Variants in KIRREL3 observed in about 807,000 individuals in gnomAD.
The protein encoded by KIRREL3 is kin of IRRE-like protein 3.
In KIRREL3, 36 loss-of-function variants were observed where a neutral mutation model predicts 89.7. The observed-to-expected ratio is 0.40, with a 90% CI of 0.31 to 0.53. The LOEUF (loss-of-function observed/expected upper bound fraction) is 0.53. KIRREL3 is among the 20% of genes least tolerant of loss of function. KIRREL3 has a pLI of 0.49. For missense variants in KIRREL3, 864 were observed against 1,056.6 expected (o/e 0.82, Z 2.53); for synonymous variants, 445 against 441.4 (o/e 1.01, Z -0.10).
intron 2 of KIRREL3, among the ~76,000 whole-genome samples, chr11:126,538,268 G>A (rs1334868091): frequency 6.6e-6 from 1 of 152,234 alleles, no homozygotes; most frequent in Non-Finnish European, 1.5e-5. Flanking sequence ...TGACCAATTG[G>A]AGAAGGCTTA....
intron 1 of KIRREL3, among the ~76,000 whole-genome samples, chr11:126,759,778 T>C (rs1471388077): frequency 1.3e-5 from 2 of 152,248 alleles, no homozygotes; most frequent in Non-Finnish European, 2.9e-5. Flanking sequence ...AAATTTACTT[T>C]CCTACAGTTA....
intron 1 of KIRREL3, among the ~76,000 whole-genome samples, chr11:126,584,807 A>G (rs572443563): frequency 2.6e-5 from 4 of 152,324 alleles, no homozygotes; most frequent in South Asian, 2.1e-4. Flanking sequence ...CACAACCCCA[A>G]TGATGGGCAC....
At chr11:126,727,423 A>T (rs1948433921) in intron 1 of KIRREL3, among the ~76,000 whole-genome samples, 1 of 152,232 alleles carries the variant, frequency 6.6e-6, no homozygotes, top group Non-Finnish European at 1.5e-5. Context: ...TTAAACTTAA[A>T]TGCATAAACA....
In KIRREL3 at chr11:126,610,926, G is replaced by A. The variant is rs1305957618; in HGVS notation, c.56-48014C>T. 1 of 152,210 alleles carries A rather than the reference G, an allele frequency of 6.6e-6. No homozygotes were observed. Among genetic ancestry groups the A allele is most frequent in the African/African-American group, 2.4e-5 (1 of 41,452 alleles). 9.4% of individuals were successfully genotyped at this position (152,210 alleles called of 1,614,324 possible). A position where few individuals can be genotyped will look rare whatever the true frequency, so the allele number is the denominator to read the frequency against. ...CCTTAGCAGTTTGACTCGGGCGGGG[G>A]TTTGAAGCTGGAACTTTTCAACATA... On this transcript the variant is annotated intron_variant, in intron 1 of 16. Transcript: ENST00000525144. This position sits in a 1 kb window ranked among gnomAD's most constrained non-coding sequence, Gnocchi z 4.6.
rs1565657263 is a variant in KIRREL3 at position 126,696,319 on chromosome 11, C to T, written c.56-133407G>A. Reference sequence around the variant, plus strand: ...CTTCCTTATTGCTTAATTAACCCTTCTCCCTTTCTTTGACCCTTCTCCTCC... The same window carrying T: ...CTTCCTTATTGCTTAATTAACCCTTTTCCCTTTCTTTGACCCTTCTCCTCC... On this transcript the variant is annotated intron_variant, in intron 1 of 16. Coordinates refer to ENST00000525144, the MANE Select transcript of KIRREL3 (RefSeq NM_032531.4). This position sits in a 1 kb window ranked among gnomAD's most constrained non-coding sequence, Gnocchi z 4.4. Among the ~76,000 whole-genome samples, 1 of 151,486 alleles carries T rather than the reference C, an allele frequency of 6.6e-6. No individual in the cohort carries two copies. Among genetic ancestry groups the T allele is most frequent in the Admixed American group, 6.6e-5 (1 of 15,198 alleles).
chr11:126,775,705 T>C (rs529413456), intron 1 of KIRREL3, among the ~76,000 whole-genome samples: 6 of 152,330 alleles, frequency 3.9e-5, no homozygotes, highest in Admixed American at 3.3e-4. Flanking sequence ...GGAATTATCT[T>C]ATGTATGTGC....
rs1949838527 is a variant in KIRREL3, at chr11:126,985,505, A to T, written c.55+14950T>A. ...CATTTAAATTAGATTGTGGGGAGAGAGGTCAAGGAAACTTCCACCAGGAGG... is the reference window on the plus strand; with the variant it reads ...CATTTAAATTAGATTGTGGGGAGAGTGGTCAAGGAAACTTCCACCAGGAGG... On this transcript the variant is annotated intron_variant, in intron 1 of 16. Transcript: ENST00000525144. The surrounding 1 kb of genome is among the most constrained non-coding windows in gnomAD (Gnocchi z 5.3). Among the ~76,000 whole-genome samples the T allele has an allele frequency of 6.6e-6, 1 of 152,130 alleles. No homozygotes were observed. Among genetic ancestry groups the T allele is most frequent in the African/African-American group, 2.4e-5 (1 of 41,406 alleles).
Position 126,917,047 on chromosome 11 carries a change from G to T in KIRREL3, c.55+83408C>A, listed in dbSNP as rs142431938. Among the ~76,000 whole-genome samples the T allele has an allele frequency of 1.0e-3, 154 of 152,224 alleles. No individual in the cohort carries two copies. The highest frequency in any genetic ancestry group is 3.3e-3 in the African/African-American group (138 of 41,520). On this transcript the variant is annotated intron_variant, in intron 1 of 16. Coordinates refer to ENST00000525144, the MANE Select transcript of KIRREL3 (RefSeq NM_032531.4). The surrounding 1 kb of genome is among the most constrained non-coding windows in gnomAD (Gnocchi z 5.0). ...TATTCATAATAACCAAAAAGTAGAA[G>T]TCACCCACGTGTCTAACAGATGAAT...
intron 1 of KIRREL3, among the ~76,000 whole-genome samples, chr11:126,735,011 C>A (rs1184278891): frequency 6.6e-6 from 1 of 152,150 alleles, no homozygotes; most frequent in Non-Finnish European, 1.5e-5. Flanking sequence ...CAGGGAGGCT[C>A]ATAACGGGGC....
intron 4 of KIRREL3, among the ~76,000 whole-genome samples, chr11:126,518,390 G>A (rs1003852098): frequency 1.3e-5 from 2 of 152,212 alleles, no homozygotes; most frequent in Admixed American, 6.5e-5. Flanking sequence ...TTGGTACTTC[G>A]ATGGAAGACC....
chr11:126,774,637 G>A (rs1007203180), intron 1 of KIRREL3, among the ~76,000 whole-genome samples: 4 of 152,140 alleles, frequency 2.6e-5, no homozygotes, highest in Admixed American at 1.3e-4. Context: ...TACATGAGCT[G>A]TGCCTTCCCC....
rs2134277323 is a variant in KIRREL3, at chr11:126,764,271, T to A, written c.56-201359A>T. ...TGGGCCCACGGCAGCACCCACTGTC[T>A]TGGCAAATGTCCATTCTGTCAGGCG... On this transcript the variant is annotated intron_variant, in intron 1 of 16. Transcript: ENST00000525144. This position sits in a 1 kb window ranked among gnomAD's most constrained non-coding sequence, Gnocchi z 4.2. Among the ~76,000 whole-genome samples the A allele has an allele frequency of 6.6e-6, 1 of 152,258 alleles. No individual in the cohort carries two copies. The highest frequency in any genetic ancestry group is 2.1e-4 in the South Asian group (1 of 4,822).
At chr11:126,798,512 A>G (rs1220785676) in intron 1 of KIRREL3, among the ~76,000 whole-genome samples, 2 of 152,240 alleles carry the variant, frequency 1.3e-5, no homozygotes, top group Non-Finnish European at 2.9e-5. Context: ...CATTAGGAAA[A>G]GCAAAACATT....
chr11:126,474,309 G>T lies in KIRREL3; in HGVS notation c.434-843C>A, dbSNP rs1017181374. ...GCTGTCTGAGTTAGTCCTCACAACA[G>T]TCTGGTGAGGTCAACATTACCACCC... On this transcript the variant is annotated intron_variant, in intron 4 of 16. Coordinates refer to ENST00000525144, the MANE Select transcript of KIRREL3 (RefSeq NM_032531.4). This position sits in a 1 kb window ranked among gnomAD's most constrained non-coding sequence, Gnocchi z 6.7. 1.3e-5 allele frequency among the ~76,000 whole-genome samples: 2 copies of T among 152,216 alleles called. No homozygotes were observed. The highest frequency in any genetic ancestry group is 2.9e-5 in the Non-Finnish European group (2 of 68,042).
At position 126,656,540 on chromosome 11, in the gene KIRREL3, A is replaced by T. The variant is rs1303317004; in HGVS notation, c.56-93628T>A. ...AGTGGGGGATAAGGCAGCAGGTGAC[A>T]GTGGTTGCGTGCTCCTGGGCACCGC... On this transcript the variant is annotated intron_variant, in intron 1 of 16. Coordinates refer to ENST00000525144, the MANE Select transcript of KIRREL3 (RefSeq NM_032531.4). The surrounding 1 kb of genome is among the most constrained non-coding windows in gnomAD (Gnocchi z 4.0). Among the ~76,000 whole-genome samples, 3 of 152,200 alleles carry T rather than the reference A, an allele frequency of 2.0e-5. No individual in the cohort carries two copies. The highest frequency in any genetic ancestry group is 4.4e-5 in the Non-Finnish European group (3 of 68,042).
rs1169346669 is a variant in KIRREL3, at chr11:126,651,107, G to A, written c.56-88195C>T. 6.6e-6 allele frequency among the ~76,000 whole-genome samples: 1 copy of A among 152,152 alleles called. No individual in the cohort carries two copies. Among genetic ancestry groups the A allele is most frequent in the African/African-American group, 2.4e-5 (1 of 41,424 alleles). ...CACCGGGTCCCTCCCACAACACATA[G>A]GAATTATGGGAGTACAATTCAAGAT... is the stretch of plus-strand genomic sequence containing the variant. On this transcript the variant is annotated intron_variant, in intron 1 of 16. Coordinates refer to ENST00000525144, the MANE Select transcript of KIRREL3 (RefSeq NM_032531.4). This position sits in a 1 kb window ranked among gnomAD's most constrained non-coding sequence, Gnocchi z 4.6.
rs1947964686 is a variant in KIRREL3 at position 126,931,899 on chromosome 11, C to T, written c.55+68556G>A. 6.6e-6 allele frequency among the ~76,000 whole-genome samples: 1 copy of T among 152,144 alleles called. No individual in the cohort carries two copies. Among genetic ancestry groups the T allele is most frequent in the Non-Finnish European group, 1.5e-5 (1 of 68,026 alleles). On this transcript the variant is annotated intron_variant, in intron 1 of 16. Transcript: ENST00000525144. This position sits in a 1 kb window ranked among gnomAD's most constrained non-coding sequence, Gnocchi z 5.1. ...AGTAGATGGACGAGGCATACTCGTACCAAGGAGGGCATAAGGATTTTATTT... is the reference window on the plus strand; with the variant it reads ...AGTAGATGGACGAGGCATACTCGTATCAAGGAGGGCATAAGGATTTTATTT...
At chr11:126,464,629 G>A (rs75212313) in intron 5 of KIRREL3, among the ~76,000 whole-genome samples, 1,587 of 152,168 alleles carry the variant, frequency 0.01, 18 homozygotes, top group African/African-American at 0.035. Flanking sequence ...ATGAGGAGAA[G>A]ACAGAGAGAA....
chr11:126,722,396 G>A (rs1309575698), intron 1 of KIRREL3, among the ~76,000 whole-genome samples: 2 of 152,168 alleles, frequency 1.3e-5, no homozygotes, highest in African/African-American at 2.4e-5. Flanking sequence ...TTTCTTGTAT[G>A]TATTTATTTA....
Sources: allele counts gnomAD v4.1 joint callset (sites outside exome capture counted in the v4.1 genomes callset), GRCh38; gene constraint gnomAD v4.1.1; non-coding constraint Gnocchi (gnomAD v3.1); transcripts MANE v1.5; gene names NCBI Gene and HGNC (gene_info 2026-07-23, HGNC 2026-07-21).